The following ITGA1 variants were observed in gnomAD, a reference collection of about 807,000 sequenced individuals.
The protein encoded by ITGA1 is integrin alpha-1.
In ITGA1, 85 loss-of-function variants were observed where a neutral mutation model predicts 145.9. The ratio of observed to expected loss-of-function variants is 0.58; its 90% confidence interval spans 0.49 to 0.70. The LOEUF is 0.70. Ranked by LOEUF, ITGA1 falls within the 30% of genes least tolerant of loss-of-function variation. The pLI is 0.00. For synonymous variants in ITGA1, 520 were observed against 495.3 expected (o/e 1.05, Z -0.66); for missense variants, 1,351 against 1,418.7 (o/e 0.95, Z 0.77).
At chr5:52,892,381 A>G (rs1750165111) in intron 8 of ITGA1, among the ~76,000 whole-genome samples, 1 of 144,056 alleles carries the variant, frequency 6.9e-6, no homozygotes, top group South Asian at 2.1e-4. Flanking sequence ...TCTCTTAGAC[A>G]TTTCTGATGG....
intron 28 of ITGA1, among the ~76,000 whole-genome samples, chr5:52,949,124 T>C (rs1751179377): frequency 6.6e-6 from 1 of 152,128 alleles, no homozygotes; most frequent in Non-Finnish European, 1.5e-5. Flanking sequence ...GTAGAAATAG[T>C]TCAGCCACTT....
At position 52,910,634 on chromosome 5, in the gene ITGA1, A is replaced by G. The variant is rs144489063; in HGVS notation, c.1857+215A>G. 5.8e-3 allele frequency among the ~76,000 whole-genome samples: 856 copies of G among 148,522 alleles called. 2 individuals are homozygous for G. The highest frequency in any genetic ancestry group is 9.3e-3 in the Non-Finnish European group (624 of 67,296). Reference sequence around the variant, plus strand: ...AATATACACATAGTATGTATATAGTATATATAGTGTATATATAATGTGTAT... The same window carrying G: ...AATATACACATAGTATGTATATAGTGTATATAGTGTATATATAATGTGTAT... On this transcript the variant is annotated intron_variant, in intron 14 of 28. Transcript: ENST00000282588.
At chr5:52,904,388 C>T (rs1409058471) in intron 11 of ITGA1, 1 of 152,046 alleles carries the variant, frequency 6.6e-6, no homozygotes, top group East Asian at 1.9e-4. Flanking sequence ...TGAAATAGAA[C>T]AAATTTTTCT....
rs754774078 is a variant in ITGA1 at position 52,898,367 on chromosome 5, G to T, written c.1293G>T (p.Pro431=). ...TTGAGTCTACCAAAAAGAATGAACC[G>T]CTTGCTTCTTATTTAGGTAAGGTTT... ...FNVESTKKNE[P]LASYLGYTVN... Residue 431 remains proline (P), a synonymous_variant, in exon 11 of 29, where the codon CCG becomes CCT. Coordinates refer to ENST00000282588, the MANE Select transcript of ITGA1 (RefSeq NM_181501.2). 4 of 1,596,256 alleles carry T rather than the reference G, an allele frequency of 2.5e-6. No homozygotes were observed. The highest frequency in any genetic ancestry group is 2.3e-5 in the South Asian group (2 of 87,216).
intron 1 of ITGA1, among the ~76,000 whole-genome samples, chr5:52,810,046 C>T (rs1748661772): frequency 6.6e-6 from 1 of 152,210 alleles, no homozygotes. Flanking sequence ...TTTGTTGTCT[C>T]CTCTGCATTT....
chr5:52,863,435 A>G (rs766157043), intron 3 of ITGA1, among the ~76,000 whole-genome samples: 12 of 130,456 alleles, frequency 9.2e-5, no homozygotes, highest in Non-Finnish European at 1.9e-4. Context: ...TAGGAGTTCT[A>G]TTTGAGTTTT....
chr5:52,820,147 A>G (rs1341736976), intron 1 of ITGA1, among the ~76,000 whole-genome samples: 17 of 151,962 alleles, frequency 1.1e-4, no homozygotes, highest in South Asian at 2.1e-4. Context: ...TTGGTTCCAT[A>G]TGAACTTTAA....
intron 6 of ITGA1, among the ~76,000 whole-genome samples, chr5:52,871,544 C>T (rs188201253): frequency 4.0e-5 from 6 of 151,196 alleles, no homozygotes; most frequent in Admixed American, 1.3e-4. Flanking sequence ...TTAGTAATTG[C>T]AAGCAATAAA....
chr5:52,798,330 T>C (rs1748386224), intron 1 of ITGA1, among the ~76,000 whole-genome samples: 1 of 152,118 alleles, frequency 6.6e-6, no homozygotes, highest in South Asian at 2.1e-4. Context: ...AGGCCACAAA[T>C]ATTAATAAGT....
chr5:52,891,830 A>C (rs933791662), intron 8 of ITGA1, among the ~76,000 whole-genome samples: 3 of 151,786 alleles, frequency 2.0e-5, no homozygotes, highest in Admixed American at 6.6e-5. Context: ...GGGATTTTTA[A>C]ATTTTTTTGC....
intron 1 of ITGA1, chr5:52,800,796 C>G: frequency 6.2e-7 from 1 of 1,612,802 alleles, no homozygotes; most frequent in Non-Finnish European, 8.5e-7. Context: ...CAGCCTGGAG[C>G]GCTGATGTGG....
In ITGA1 at chr5:52,920,485, T is replaced by C. The variant is rs1398923457; in HGVS notation, c.2292+17T>C. The C allele has an allele frequency of 1.3e-6, 2 of 1,578,528 alleles. No individual in the cohort carries two copies. The highest frequency in any genetic ancestry group is 2.7e-5 in the African/African-American group (2 of 73,194). On this transcript the variant is annotated intron_variant, in intron 17 of 28. Transcript: ENST00000282588. The stretch of plus-strand genomic sequence containing the variant: ...TACATGTTGGCAAGTAAATCATATA[T>C]CGTTGCTGCCTTATTCCAAATCAAG...
chr5:52,879,465 T>C (rs1481123751), intron 6 of ITGA1, among the ~76,000 whole-genome samples: 1 of 152,218 alleles, frequency 6.6e-6, no homozygotes, highest in African/African-American at 2.4e-5. Context: ...TTATTTACAC[T>C]GAACATTTAT....
At chr5:52,912,710 TAGTG>T (rs1242596455) in intron 14 of ITGA1, among the ~76,000 whole-genome samples, 6 of 82,986 alleles carry the variant, frequency 7.2e-5, no homozygotes, top group African/African-American at 1.7e-4. Flanking sequence ...ACTATATATA[TAGTG>T]TGTGTGTGTG....
In ITGA1 at chr5:52,947,354, C is replaced by A; in HGVS notation, c.3388C>A (p.Gln1130Lys). Reference protein sequence around the residue: ...SSNQKRELAIQISKDGLPGRV... With the variant: ...SSNQKRELAIKISKDGLPGRV... ...GTTTAATAATTTTCAGCTTGCTATT[C>A]AAATATCCAAAGATGGGCTACCGGG... Residue 1130 changes from glutamine to lysine, a missense_variant, in exon 28 of 29, where the codon CAA (glutamine) becomes AAA (lysine). Physicochemically the swap from Gln to Lys is moderately conservative, Grantham distance 53. Transcript: ENST00000282588. 6.2e-7 allele frequency: 1 copy of A among 1,606,042 alleles called. No homozygotes were observed. The highest frequency in any genetic ancestry group is 1.1e-5 in the South Asian group (1 of 90,834).
In ITGA1 at chr5:52,865,072, C is replaced by G. The variant is rs749182828; in HGVS notation, c.486C>G (p.Ala162=). 19 of 1,609,862 alleles carry G rather than the reference C, an allele frequency of 1.2e-5. No individual in the cohort carries two copies. Among genetic ancestry groups the G allele is most frequent in the Non-Finnish European group, 1.5e-5 (18 of 1,176,840 alleles). The stretch of plus-strand genomic sequence containing the variant: ...CATTTCAAGTCGTGAATTCCATTGC[C>G]CCTGTACAAGGTACAGATTTTATGC... The part of the protein sequence containing the change: ...SPTFQVVNSI[A]PVQECSTQLD... The change falls in exon 5 of 29, where the codon GCC becomes GCG. Residue 162 remains alanine, a synonymous_variant. Transcript: ENST00000282588.
chr5:52,812,789 CTTTTTT>C (rs61600951), intron 1 of ITGA1, among the ~76,000 whole-genome samples: 2,260 of 85,530 alleles, frequency 0.026, 21 homozygotes, highest in African/African-American at 0.043. Context: ...CTTCTTATCG[CTTTTTT>C]TTTTTTTTTT....
At chr5:52,803,423 A>T (rs1304458025) in intron 1 of ITGA1, 1 of 152,170 alleles carries the variant, frequency 6.6e-6, no homozygotes, top group Non-Finnish European at 1.5e-5. Context: ...CCTGATTGTT[A>T]TTATATTTTC....
At position 52,955,303 on chromosome 5, in the gene ITGA1, T is replaced by A. The variant is rs556332019; in HGVS notation, c.*2852T>A. 3.9e-5 allele frequency: 6 copies of A among 152,214 alleles called. No homozygotes were observed. The highest frequency in any genetic ancestry group is 1.4e-4 in the African/African-American group (6 of 41,520). 9.4% of individuals were successfully genotyped at this position (152,214 alleles called of 1,614,324 possible). ...ATCTGCCACCTCTTACCAACCAGTG[T>A]GAGCTGACTTCAGCACACCACTGAG... On this transcript the variant is annotated 3_prime_UTR_variant, in exon 29 of 29. Transcript: ENST00000282588.
Sources: allele counts gnomAD v4.1 joint callset (sites outside exome capture counted in the v4.1 genomes callset), GRCh38; gene constraint gnomAD v4.1.1; transcripts MANE v1.5; gene names NCBI Gene and HGNC (gene_info 2026-07-23, HGNC 2026-07-21).